The following GALNT1 variants were observed in gnomAD, a reference collection of about 807,000 sequenced individuals.
GALNT1 encodes polypeptide N-acetylgalactosaminyltransferase 1.
A neutral mutation model predicts 65.7 loss-of-function variants in GALNT1; 17 were observed. That is an observed-to-expected ratio of 0.26 (90% CI 0.18 to 0.39). GALNT1 has a LOEUF of 0.39. Ranked by LOEUF, GALNT1 falls within the 10% of genes least tolerant of loss-of-function variation. GALNT1 has a pLI of 1.00. For missense variants in GALNT1, 460 were observed against 672.8 expected (o/e 0.68, Z 3.50); for synonymous variants, 210 against 219.7 (o/e 0.96, Z 0.39).
Position 35,667,663 on chromosome 18 carries a change from GT to G in GALNT1, c.314+3869del, listed in dbSNP as rs966523477. On this transcript the variant is annotated intron_variant, in intron 3 of 11. Transcript: ENST00000269195. ...CTTTTAGTCTGTAGGTTCCTTCTCTGTTTTTTTTCCTTACAGTTTATTATTT... is the reference window on the plus strand; with the variant it reads ...CTTTTAGTCTGTAGGTTCCTTCTCTGTTTTTTTCCTTACAGTTTATTATTT... Among the ~76,000 whole-genome samples, 41 of 151,914 alleles carry G rather than the reference GT, an allele frequency of 2.7e-4. 1 individual carries two copies. The Middle Eastern group carries it at 0.014, about 51-fold the overall frequency.
At chr18:35,700,504 T>C (rs1477246419) in intron 9 of GALNT1, among the ~76,000 whole-genome samples, 1 of 152,198 alleles carries the variant, frequency 6.6e-6, no homozygotes, top group Admixed American at 6.5e-5. Flanking sequence ...TAACAGCTAA[T>C]GGGAAGCAGT....
intron 1 of GALNT1, among the ~76,000 whole-genome samples, chr18:35,594,463 T>C (rs2046481728): frequency 6.6e-6 from 1 of 152,074 alleles, no homozygotes; most frequent in Non-Finnish European, 1.5e-5. Flanking sequence ...CTGTAAAGAA[T>C]AGTAAGGCTT....
At chr18:35,585,536 A>G (rs932928494) in intron 1 of GALNT1, among the ~76,000 whole-genome samples, 11 of 152,224 alleles carry the variant, frequency 7.2e-5, no homozygotes, top group Non-Finnish European at 1.3e-4. Context: ...TACAATTTCC[A>G]GACCTGTAAT....
intron 9 of GALNT1, among the ~76,000 whole-genome samples, chr18:35,694,680 C>T (rs1007388859): frequency 3.3e-5 from 5 of 152,226 alleles, no homozygotes; most frequent in Admixed American, 1.3e-4. Flanking sequence ...AAGCACTCCA[C>T]GTGTCCGTTC....
At chr18:35,647,706 A>G (rs1371770148) in intron 1 of GALNT1, among the ~76,000 whole-genome samples, 2 of 152,182 alleles carry the variant, frequency 1.3e-5, no homozygotes, top group African/African-American at 2.4e-5. Context: ...TGTTCTCAGG[A>G]GAGAGGAGTA....
At position 35,663,812 on chromosome 18, in the gene GALNT1, T is replaced by C; in HGVS notation, c.314+10T>C. On this transcript the variant is annotated intron_variant, in intron 3 of 11. Coordinates refer to ENST00000269195, the MANE Select transcript of GALNT1 (RefSeq NM_020474.4). ...ATGTTAGGTTAGAAGGGTAAGTACT[T>C]ACTGTGGTCCTGATAGTATGTGAAT... The C allele has an allele frequency of 6.2e-7, 1 of 1,611,510 alleles. No individual in the cohort carries two copies. Among genetic ancestry groups the C allele is most frequent in the Non-Finnish European group, 8.5e-7 (1 of 1,178,712 alleles).
chr18:35,700,099 T>C (rs1443720628), intron 9 of GALNT1, among the ~76,000 whole-genome samples: 3 of 152,190 alleles, frequency 2.0e-5, no homozygotes, highest in East Asian at 3.9e-4. Context: ...TAATTTTCCA[T>C]GTCCTTGAGG....
chr18:35,694,112 A>G (rs1038392432), intron 9 of GALNT1, among the ~76,000 whole-genome samples: 3 of 152,196 alleles, frequency 2.0e-5, no homozygotes, highest in Non-Finnish European at 4.4e-5. Context: ...GGCTAGGGAC[A>G]TGTTATCAGT....
chr18:35,696,210 A>G (rs1018872459), intron 9 of GALNT1, among the ~76,000 whole-genome samples: 1 of 152,180 alleles, frequency 6.6e-6, no homozygotes, highest in African/African-American at 2.4e-5. Context: ...TCTTAAGAGT[A>G]CCCACCATAG....
chr18:35,664,966 A>C (rs73948107), intron 3 of GALNT1, among the ~76,000 whole-genome samples: 9,390 of 152,306 alleles, frequency 0.062, 321 homozygotes, highest in South Asian at 0.077. Context: ...AATTTCCAAC[A>C]AATTGCACTT....
intron 1 of GALNT1, among the ~76,000 whole-genome samples, chr18:35,601,180 T>TA (rs1213667368): frequency 1.3e-5 from 2 of 152,066 alleles, no homozygotes; most frequent in African/African-American, 4.8e-5. Flanking sequence ...TGATGGGTCT[T>TA]ATGTGTTCAG....
At chr18:35,603,752 A>C (rs1162644662) in intron 1 of GALNT1, among the ~76,000 whole-genome samples, 1 of 152,212 alleles carries the variant, frequency 6.6e-6, no homozygotes, top group East Asian at 1.9e-4. Flanking sequence ...TCTACAGTTA[A>C]GCCAGCTCTA....
At chr18:35,586,793 C>T (rs1035915452) in intron 1 of GALNT1, among the ~76,000 whole-genome samples, 5 of 152,074 alleles carry the variant, frequency 3.3e-5, no homozygotes, top group South Asian at 2.1e-4. Flanking sequence ...TTTTTTCCCC[C>T]GTTATTTTAG....
intron 5 of GALNT1, 85 bp downstream of exon 5, chr18:35,683,683 T>A: frequency 9.4e-7 from 1 of 1,060,998 alleles, no homozygotes; most frequent in Non-Finnish European, 1.3e-6. Flanking sequence ...ATTTTTTAAA[T>A]AAATATAAAA....
intron 5 of GALNT1, among the ~76,000 whole-genome samples, chr18:35,685,614 T>G (rs2047855842): frequency 6.6e-6 from 1 of 152,204 alleles, no homozygotes; most frequent in African/African-American, 2.4e-5. Flanking sequence ...GAAGTCTTTC[T>G]TAGGTTTTGC....
At chr18:35,586,286 G>A (rs1339158863) in intron 1 of GALNT1, among the ~76,000 whole-genome samples, 1 of 152,070 alleles carries the variant, frequency 6.6e-6, no homozygotes, top group African/African-American at 2.4e-5. Flanking sequence ...TAATGGGATT[G>A]TTTGTCCTTT....
chr18:35,653,336 G>A (rs1034644275), intron 1 of GALNT1, among the ~76,000 whole-genome samples: 7 of 152,234 alleles, frequency 4.6e-5, no homozygotes, highest in South Asian at 2.1e-4. Context: ...ACCTTGTGAA[G>A]TAGGCAAGAA....
At position 35,648,509 on chromosome 18, in the gene GALNT1, C is replaced by T. The variant is rs2144348230; in HGVS notation, c.-103-6051C>T. ...GTCGAGAAGCATCTGTAATTAATCACTATACTTTGATATTAACTCTAATTT... is the reference window on the plus strand; with the variant it reads ...GTCGAGAAGCATCTGTAATTAATCATTATACTTTGATATTAACTCTAATTT... On this transcript the variant is annotated intron_variant, in intron 1 of 11. Transcript: ENST00000269195. Among the ~76,000 whole-genome samples the T allele has an allele frequency of 2.0e-5, 3 of 152,248 alleles. 1 individual carries two copies. The highest frequency in any genetic ancestry group is 3.4e-3 in the Middle Eastern group (1 of 294).
chr18:35,599,366 C>CCTTTTTTTTTT lies in GALNT1; in HGVS notation c.-104+17504_-104+17505insCTTTTTTTTTT, dbSNP rs61028491. Among the ~76,000 whole-genome samples the CCTTTTTTTTTT allele has an allele frequency of 1.6e-5, 2 of 122,758 alleles. 1 individual carries two copies. Among genetic ancestry groups the CCTTTTTTTTTT allele is most frequent in the African/African-American group, 6.3e-5 (2 of 31,690 alleles). The allele number at this position is 122,758 out of a possible 152,430, so 80.5% of individuals were successfully genotyped here. On this transcript the variant is annotated intron_variant, in intron 1 of 11. Transcript: ENST00000269195. ...AATAGTTTCAGGTATGAGATTTACA[C>CCTTTTTTTTTT]TTTTTTTTTTTTTTTTTTTTAAGAC...
Sources: gnomAD v4.1 joint callset for allele counts (sites outside exome capture counted in the v4.1 genomes callset) on GRCh38, gnomAD v4.1.1 for gene constraint, MANE v1.5 for transcripts, NCBI Gene and HGNC (gene_info 2026-07-23, HGNC 2026-07-21) for gene names.